The following KIAA1328 variants were observed in gnomAD, a reference collection of about 807,000 sequenced individuals.
KIAA1328 encodes protein hinderin.
In KIAA1328, 52 loss-of-function variants were observed where a neutral mutation model predicts 68.1. The observed-to-expected ratio is 0.76, with a 90% CI of 0.61 to 0.96. KIAA1328 has a LOEUF of 0.96. KIAA1328 is among the 40% of genes least tolerant of loss of function. The pLI, the probability that KIAA1328 is intolerant of heterozygous loss-of-function variation, is 0.00. For synonymous variants in KIAA1328, 232 were observed against 239.4 expected (o/e 0.97, Z 0.28); for missense variants, 641 against 677.6 (o/e 0.95, Z 0.60).
chr18:37,024,790 C>T lies in KIAA1328; in HGVS notation c.577-42100C>T, dbSNP rs535485722. ...TCCAGTCTATCATTGTTGGACATTTCGGTTGGTTCCAAGTCTTTGCTATTG... is the reference window on the plus strand; with the variant it reads ...TCCAGTCTATCATTGTTGGACATTTTGGTTGGTTCCAAGTCTTTGCTATTG... On this transcript the variant is annotated intron_variant, in intron 6 of 9. Transcript: ENST00000280020. 5.3e-5 allele frequency among the ~76,000 whole-genome samples: 8 copies of T among 152,112 alleles called. No homozygotes were observed. The East Asian group carries it at 7.7e-4, about 15-fold the overall frequency.
At chr18:37,050,489 A>G (rs1352878907) in intron 6 of KIAA1328, among the ~76,000 whole-genome samples, 1 of 152,066 alleles carries the variant, frequency 6.6e-6, no homozygotes, top group East Asian at 1.9e-4. Context: ...TTTCTTTCTC[A>G]TATACATTTA....
intron 6 of KIAA1328, among the ~76,000 whole-genome samples, chr18:37,053,963 GAA>G (rs200354807): frequency 3.3e-4 from 41 of 123,716 alleles, no homozygotes; most frequent in Admixed American, 1.4e-3. Flanking sequence ...AGATCAACAA[GAA>G]AAAAAAAAAA....
At chr18:37,057,625 C>T (rs1301017468) in intron 6 of KIAA1328, among the ~76,000 whole-genome samples, 5 of 149,906 alleles carry the variant, frequency 3.3e-5, no homozygotes, top group African/African-American at 9.8e-5. Flanking sequence ...TTAGTAGAAA[C>T]GGGGTTTCAC....
At chr18:37,197,676 A>C (rs1025481287) in intron 9 of KIAA1328, among the ~76,000 whole-genome samples, 15 of 152,130 alleles carry the variant, frequency 9.9e-5, no homozygotes, top group African/African-American at 3.6e-4. Context: ...ATTCTTTTCT[A>C]AAGAAGCTTA....
intron 9 of KIAA1328, among the ~76,000 whole-genome samples, chr18:37,205,703 T>G (rs762802225): frequency 6.6e-6 from 1 of 152,222 alleles, no homozygotes; most frequent in Non-Finnish European, 1.5e-5. Context: ...AGGAATGTTG[T>G]GGTGGCCTAA....
At chr18:37,163,819 A>T (rs563959163) in intron 8 of KIAA1328, among the ~76,000 whole-genome samples, 2 of 152,334 alleles carry the variant, frequency 1.3e-5, no homozygotes, top group South Asian at 2.1e-4. Context: ...TTGTTCATCC[A>T]TAAGGGTACC....
At chr18:37,061,053 T>C (rs988797879) in intron 6 of KIAA1328, among the ~76,000 whole-genome samples, 1 of 152,128 alleles carries the variant, frequency 6.6e-6, no homozygotes, top group Non-Finnish European at 1.5e-5. Context: ...AGGCAGAGGT[T>C]GCAGTGAGCC....
At chr18:36,842,995 G>T (rs2046909957) in intron 3 of KIAA1328, among the ~76,000 whole-genome samples, 2 of 151,832 alleles carry the variant, frequency 1.3e-5, no homozygotes, top group Admixed American at 1.3e-4. Context: ...TCCTGGACTT[G>T]TAGATGATTT....
intron 9 of KIAA1328, among the ~76,000 whole-genome samples, chr18:37,192,878 AT>A (rs750658348): frequency 6.6e-5 from 10 of 152,356 alleles, no homozygotes; most frequent in Non-Finnish European, 1.3e-4. Flanking sequence ...AAAGGAGGTA[AT>A]TTTTAAAAAT....
At position 37,095,288 on chromosome 18, in the gene KIAA1328, C is replaced by T. The variant is rs544690327; in HGVS notation, c.1232+27743C>T. Among the ~76,000 whole-genome samples, 11 of 152,292 alleles carry T rather than the reference C, an allele frequency of 7.2e-5. No homozygotes were observed. In the East Asian group the frequency reaches 1.3e-3, roughly 19 times the overall value. The stretch of plus-strand genomic sequence containing the variant: ...ACAACTACAGAATATGCATTCTTCT[C>T]GTCAGCACACAGAACATTCTCCAGG... On this transcript the variant is annotated intron_variant, in intron 7 of 9. Coordinates refer to ENST00000280020, the MANE Select transcript of KIAA1328 (RefSeq NM_020776.3).
intron 6 of KIAA1328, among the ~76,000 whole-genome samples, chr18:36,973,590 C>T (rs888713215): frequency 3.9e-5 from 6 of 152,190 alleles, no homozygotes; most frequent in African/African-American, 1.4e-4. Context: ...GTTCTCTATA[C>T]ACTCCATTTA....
At chr18:37,000,751 T>C (rs567055474) in intron 6 of KIAA1328, among the ~76,000 whole-genome samples, 86 of 152,082 alleles carry the variant, frequency 5.7e-4, no homozygotes, top group Non-Finnish European at 1.2e-3. Context: ...CTGGAAACTA[T>C]ACAAATACGT....
chr18:37,147,286 A>G (rs747109818), intron 7 of KIAA1328, among the ~76,000 whole-genome samples: 9 of 152,244 alleles, frequency 5.9e-5, no homozygotes, highest in African/African-American at 1.4e-4. Context: ...GAATTTAAAT[A>G]AAGTTCTTAC....
chr18:37,179,564 A>G (rs1333930249), intron 9 of KIAA1328, among the ~76,000 whole-genome samples: 1 of 152,208 alleles, frequency 6.6e-6, no homozygotes, highest in African/African-American at 2.4e-5. Flanking sequence ...AGCTGTTTAA[A>G]CACAGCTGAC....
chr18:36,983,864 A>G (rs557458002), intron 6 of KIAA1328, among the ~76,000 whole-genome samples: 3 of 152,190 alleles, frequency 2.0e-5, no homozygotes, highest in South Asian at 4.1e-4. Flanking sequence ...CAAAATTTTT[A>G]GCAAATCAAA....
intron 6 of KIAA1328, among the ~76,000 whole-genome samples, chr18:37,015,782 C>T (rs1030520620): frequency 6.6e-6 from 1 of 152,024 alleles, no homozygotes; most frequent in African/African-American, 2.4e-5. Flanking sequence ...TGATTGTATT[C>T]TTGTTTTAGC....
intron 6 of KIAA1328, among the ~76,000 whole-genome samples, chr18:36,985,429 GAAC>G (rs1170907608): frequency 1.8e-4 from 27 of 152,180 alleles, no homozygotes; most frequent in African/African-American, 6.5e-4. Context: ...TGTTGAAAAA[GAAC>G]AAATTCAAAG....
At chr18:36,992,671 A>G (rs887749701) in intron 6 of KIAA1328, among the ~76,000 whole-genome samples, 1 of 152,168 alleles carries the variant, frequency 6.6e-6, no homozygotes, top group African/African-American at 2.4e-5. Flanking sequence ...AACAGCTCAG[A>G]TTCTTCTGTG....
chr18:37,117,170 G>T (rs1464127613), intron 7 of KIAA1328, among the ~76,000 whole-genome samples: 4 of 151,990 alleles, frequency 2.6e-5, no homozygotes, highest in Non-Finnish European at 4.4e-5. Flanking sequence ...TATAAATCAT[G>T]CTGCTATAAA....
Sources: gnomAD v4.1 joint callset for allele counts (sites outside exome capture counted in the v4.1 genomes callset) on GRCh38, gnomAD v4.1.1 for gene constraint, MANE v1.5 for transcripts, NCBI Gene and HGNC (gene_info 2026-07-23, HGNC 2026-07-21) for gene names.